The following SLC8A1 variants were observed in gnomAD, a reference collection of about 807,000 sequenced individuals.
SLC8A1 encodes sodium/calcium exchanger 1.
SLC8A1 carries 18 observed loss-of-function variants against 68.3 expected under a neutral mutation model. The observed-to-expected ratio is 0.26, with a 90% confidence interval of 0.18 to 0.39. The LOEUF is 0.39. Among genes scored for constraint, SLC8A1 ranks in the 10% least tolerant of loss-of-function variants. The pLI is 1.00. For synonymous variants in SLC8A1, 475 were observed against 415.5 expected, an observed-to-expected ratio of 1.14 and a Z score of -1.74; for missense variants, 985 against 1,156.7, an observed-to-expected ratio of 0.85 and a Z score of 2.15.
At chr2:40,187,209 C>A (rs1284068193) in intron 2 of SLC8A1, among the ~76,000 whole-genome samples, 4 of 152,172 alleles carry the variant, frequency 2.6e-5, no homozygotes, top group Admixed American at 1.3e-4. Context: ...ACAGCTCTGC[C>A]AGGTTCTCAT....
chr2:40,111,086 C>G (rs1007235466), exon 8 of SLC8A1: 4 of 151,954 alleles, frequency 2.6e-5, no homozygotes, highest in African/African-American at 9.7e-5. Context: ...GTTTCTAAAA[C>G]AATATTTTGT....
At chr2:40,145,586 C>G (rs750849532) in intron 6 of SLC8A1, among the ~76,000 whole-genome samples, 1 of 152,170 alleles carries the variant, frequency 6.6e-6, no homozygotes, top group African/African-American at 2.4e-5. Flanking sequence ...ATTCTACTCT[C>G]CTGTTACATA....
chr2:40,364,396 T>A (rs1675424923), intron 2 of SLC8A1, among the ~76,000 whole-genome samples: 1 of 151,856 alleles, frequency 6.6e-6, no homozygotes, highest in African/African-American at 2.4e-5. Context: ...TAATACACTT[T>A]ATTGATTCAT....
At chr2:40,344,716 C>T (rs564981859) in intron 2 of SLC8A1, among the ~76,000 whole-genome samples, 6 of 152,296 alleles carry the variant, frequency 3.9e-5, no homozygotes, top group Middle Eastern at 6.8e-3. Context: ...TTCCTATGTA[C>T]ACAAGTTTAA....
At chr2:40,321,561 C>T (rs2075192450) in intron 2 of SLC8A1, among the ~76,000 whole-genome samples, 1 of 152,130 alleles carries the variant, frequency 6.6e-6, no homozygotes, top group Non-Finnish European at 1.5e-5. Context: ...CACAGTTCTG[C>T]AGGGCTGTGG....
At chr2:40,451,554 C>A (rs1231801071) in intron 1 of SLC8A1, among the ~76,000 whole-genome samples, 2 of 152,156 alleles carry the variant, frequency 1.3e-5, no homozygotes, top group East Asian at 3.9e-4. Context: ...CTCTTCGCGC[C>A]CTGAATCCTC....
In SLC8A1 at chr2:40,395,896, T is replaced by C. The variant is rs142030410; in HGVS notation, c.1808+32577A>G. Among the ~76,000 whole-genome samples the C allele has an allele frequency of 4.3e-3, 656 of 152,286 alleles. 4 individuals carry two copies. Among genetic ancestry groups the C allele is most frequent in the East Asian group, 0.028 (147 of 5,170 alleles). ...AAAGTCCATTCATTTTTACTAATAG[T>C]ATGCATGGAGAATGAACACACGCTG... On this transcript the variant is annotated intron_variant, in intron 2 of 7. Coordinates refer to ENST00000406785, the Ensembl canonical transcript of SLC8A1.
intron 2 of SLC8A1, among the ~76,000 whole-genome samples, chr2:40,249,504 C>A (rs2062405196): frequency 6.6e-6 from 1 of 152,104 alleles, no homozygotes; most frequent in African/African-American, 2.4e-5. Context: ...GGTGGAGAGG[C>A]CTGTGCCACA....
At chr2:40,245,305 C>T (rs189993602) in intron 2 of SLC8A1, among the ~76,000 whole-genome samples, 1 of 117,660 alleles carries the variant, frequency 8.5e-6, no homozygotes, top group African/African-American at 3.7e-5. Flanking sequence ...TCTGATATCC[C>T]TCTCCAGCTC....
intron 4 of SLC8A1, 34 bp from the exon 7 acceptor site, chr2:40,170,383 T>C (rs2148508978): frequency 6.4e-7 from 1 of 1,570,364 alleles, no homozygotes; most frequent in East Asian, 2.2e-5. Flanking sequence ...ATCAGCAGAA[T>C]GGATTGCATT....
At chr2:40,400,682 G>T (rs1688454652) in intron 2 of SLC8A1, among the ~76,000 whole-genome samples, 1 of 152,228 alleles carries the variant, frequency 6.6e-6, no homozygotes, top group East Asian at 1.9e-4. Flanking sequence ...GGGAAAATGA[G>T]GTGGGAGGGA....
At chr2:40,239,339 G>A (rs1212282591) in intron 2 of SLC8A1, among the ~76,000 whole-genome samples, 1 of 152,136 alleles carries the variant, frequency 6.6e-6, no homozygotes, top group Admixed American at 6.5e-5. Flanking sequence ...CAAGATCACT[G>A]AGTTATCTGG....
At chr2:40,278,101 G>T (rs1354106295) in intron 2 of SLC8A1, among the ~76,000 whole-genome samples, 1 of 151,830 alleles carries the variant, frequency 6.6e-6, no homozygotes, top group Non-Finnish European at 1.5e-5. Flanking sequence ...CACATCACTG[G>T]TTTTTACACT....
chr2:40,190,950 T>TG (rs1349217609), intron 2 of SLC8A1, among the ~76,000 whole-genome samples: 2 of 152,002 alleles, frequency 1.3e-5, no homozygotes, highest in Admixed American at 1.3e-4. Flanking sequence ...TGTGTGTGTG[T>TG]TTTCCCCTTA....
intron 2 of SLC8A1, among the ~76,000 whole-genome samples, chr2:40,390,731 A>G (rs991593612): frequency 6.6e-6 from 1 of 152,100 alleles, no homozygotes; most frequent in Non-Finnish European, 1.5e-5. Flanking sequence ...CCCGATATGT[A>G]ACTTTTGTCC....
intron 2 of SLC8A1, among the ~76,000 whole-genome samples, chr2:40,372,095 A>C (rs988547193): frequency 6.6e-6 from 1 of 152,152 alleles, no homozygotes; most frequent in Non-Finnish European, 1.5e-5. Flanking sequence ...TTAATGCAGG[A>C]AAGATTAGAT....
At chr2:40,231,982 C>G (rs1422617910) in intron 2 of SLC8A1, among the ~76,000 whole-genome samples, 2 of 152,038 alleles carry the variant, frequency 1.3e-5, no homozygotes, top group African/African-American at 4.8e-5. Flanking sequence ...GAATAAGATA[C>G]AGTTTCTGAG....
intron 7 of SLC8A1, among the ~76,000 whole-genome samples, chr2:40,124,841 A>G (rs888843842): frequency 6.6e-6 from 1 of 152,220 alleles, no homozygotes. Flanking sequence ...TTCATGACAC[A>G]CTGCTTTGTG....
intron 1 of SLC8A1, among the ~76,000 whole-genome samples, chr2:40,440,430 TG>T (rs1286708636): frequency 6.6e-6 from 1 of 152,188 alleles, no homozygotes; most frequent in East Asian, 1.9e-4. Flanking sequence ...CCTTTGCTAA[TG>T]CAACAATTAT....
Sources: gnomAD v4.1 joint callset for allele counts (sites outside exome capture counted in the v4.1 genomes callset) on GRCh38, gnomAD v4.1.1 for gene constraint, MANE v1.5 for transcripts, NCBI Gene and HGNC (gene_info 2026-07-23, HGNC 2026-07-21) for gene names.